TXNDC5: variants seen among roughly 807,000 people sequenced by gnomAD.
TXNDC5 encodes thioredoxin domain containing 5.
TXNDC5 carries 44 observed loss-of-function variants against 52.6 expected under a neutral mutation model. The observed-to-expected ratio is 0.84, with a 90% CI of 0.66 to 1.08. The LOEUF is 1.08. TXNDC5 is among the 50% of genes least tolerant of loss of function. The probability of loss-of-function intolerance (pLI) is 0.00; values close to 1 mark genes in which losing one functional copy is unlikely to be tolerated. For missense variants in TXNDC5, 600 were observed against 565.5 expected, an observed-to-expected ratio of 1.06 and a Z score of -0.62; for synonymous variants, 241 against 234.4, an observed-to-expected ratio of 1.03 and a Z score of -0.26.
chr6:7,883,048 A>G lies in TXNDC5; in HGVS notation c.*96T>C, dbSNP rs753763395. The G allele has an allele frequency of 3.2e-6, 5 of 1,562,146 alleles. No individual in the cohort carries two copies. The highest frequency in any genetic ancestry group is 4.4e-6 in the Non-Finnish European group (5 of 1,142,750). ...ACGCTTAGTATGTTCTGCTTTCTGA[A>G]CAGCCACCACTGGGAACCCAGTGGC... On this transcript the variant is annotated 3_prime_UTR_variant, in exon 10 of 10. Coordinates refer to ENST00000379757, the MANE Select transcript of TXNDC5 (RefSeq NM_030810.5).
At chr6:7,910,193 G>A (rs1053909086) in intron 1 of TXNDC5, 66 of 972,352 alleles carry the variant, frequency 6.8e-5, no homozygotes, top group Non-Finnish European at 7.4e-5. Flanking sequence ...GGCCCGCTGA[G>A]CTCACGCCTC....
chr6:7,910,236 C>A (rs556001901), intron 1 of TXNDC5, among the ~76,000 whole-genome samples: 1 of 151,440 alleles, frequency 6.6e-6, no homozygotes, highest in East Asian at 1.9e-4. Context: ...CGGTCCCCTG[C>A]AGTCCCCGGC....
intron 5 of TXNDC5, among the ~76,000 whole-genome samples, chr6:7,890,337 CAG>C (rs1291274883): frequency 6.6e-6 from 1 of 152,036 alleles, no homozygotes; most frequent in East Asian, 1.9e-4. Context: ...TAAGACCCGT[CAG>C]AGAGCAGCTA....
Position 7,899,637 on chromosome 6 carries a change from C to A in TXNDC5, c.458G>T (p.Gly153Val), listed in dbSNP as rs888122891. The change falls in exon 3 of 10, where the codon GGT (glycine) becomes GTT (valine). Residue 153 changes from glycine to valine, a missense_variant. Transcript: ENST00000379757. ...KPGQEAVKYQGPRDFQTLENW... is the reference protein window; with the variant it reads ...KPGQEAVKYQVPRDFQTLENW... ...TTCCAGTGTCTGGAAGTCCCGAGGA[C>A]CCTGGTACTTCACAGCTTCTTGGCC... The A allele has an allele frequency of 1.9e-6, 3 of 1,614,070 alleles. No individual in the cohort carries two copies. Among genetic ancestry groups the A allele is most frequent in the Non-Finnish European group, 2.5e-6 (3 of 1,179,996 alleles).
intron 2 of TXNDC5, among the ~76,000 whole-genome samples, chr6:7,901,697 CCAAA>C (rs1162540823): frequency 6.6e-5 from 10 of 152,218 alleles, no homozygotes; most frequent in Admixed American, 5.2e-4. Flanking sequence ...GGGTACAAGC[CCAAA>C]CAAAGTATTG....
intron 2 of TXNDC5, 131 bp from the exon 3 acceptor site, chr6:7,899,812 G>C: frequency 1.8e-6 from 1 of 545,788 alleles, no homozygotes; most frequent in East Asian, 3.1e-5. Context: ...GCTCCTCTCT[G>C]ATAAAAAGGA....
chr6:7,906,466 G>A (rs924792498), intron 1 of TXNDC5, among the ~76,000 whole-genome samples: 1 of 149,952 alleles, frequency 6.7e-6, no homozygotes, highest in African/African-American at 2.5e-5. Flanking sequence ...AACCCGGGAG[G>A]CGGAGGTTGC....
At chr6:7,888,953 CTT>C (rs1581311495) in intron 6 of TXNDC5, 105 bp from the exon 7 acceptor site, 1 of 1,425,248 alleles carries the variant, frequency 7.0e-7, no homozygotes, top group Non-Finnish European at 9.4e-7. Context: ...TCCCAGATGT[CTT>C]AGCGGTGGTG....
chr6:7,887,666 C>T (rs1377510738), intron 7 of TXNDC5, among the ~76,000 whole-genome samples: 1 of 152,190 alleles, frequency 6.6e-6, no homozygotes, highest in Non-Finnish European at 1.5e-5. Context: ...CAACTCCAAT[C>T]TGCACAGAGC....
At chr6:7,910,439 GC>G in intron 1 of TXNDC5, 74 bp downstream of exon 1, 1 of 1,250,094 alleles carries the variant, frequency 8.0e-7, no homozygotes, top group Non-Finnish European at 1.0e-6. Context: ...GGGACCCCCC[GC>G]CCGCGGCGCC....
chr6:7,887,432 C>T (rs554203520), intron 7 of TXNDC5, among the ~76,000 whole-genome samples: 5 of 150,066 alleles, frequency 3.3e-5, no homozygotes, highest in African/African-American at 7.3e-5. Context: ...GCTCTGGCCC[C>T]GCCCCTGTGC....
At chr6:7,901,955 A>T (rs1030028338) in intron 2 of TXNDC5, among the ~76,000 whole-genome samples, 2 of 152,244 alleles carry the variant, frequency 1.3e-5, no homozygotes, top group African/African-American at 4.8e-5. Context: ...TATTCAAGTT[A>T]AAATGAGGTC....
intron 8 of TXNDC5, 99 bp from the exon 9 acceptor site, chr6:7,884,587 A>G (rs1759894698): frequency 1.3e-6 from 2 of 1,520,430 alleles, no homozygotes; most frequent in Non-Finnish European, 8.9e-7. Flanking sequence ...TGTATGGGAC[A>G]GTCAACAATT....
chr6:7,883,054 A>G lies in TXNDC5; in HGVS notation c.*90T>C. 3.2e-6 allele frequency: 5 copies of G among 1,556,848 alleles called. No homozygotes were observed. In the South Asian group the frequency reaches 3.4e-5, roughly 11 times the overall value. On this transcript the variant is annotated 3_prime_UTR_variant, in exon 10 of 10. Coordinates refer to ENST00000379757, the MANE Select transcript of TXNDC5 (RefSeq NM_030810.5). ...AGTATGTTCTGCTTTCTGAACAGCC[A>G]CCACTGGGAACCCAGTGGCCTCTGT...
In TXNDC5 at chr6:7,910,668, GGGCGCCCCAGCGCCCGCCGCCGCCAT is replaced by G; in HGVS notation, c.83_108del (p.His28ProfsTer65). On this transcript the variant is annotated frameshift_variant, in exon 1 of 10. Coordinates refer to ENST00000379757, the MANE Select transcript of TXNDC5 (RefSeq NM_030810.5). LOFTEE classifies it high-confidence loss of function. ...GCCGCCGCCGCCGCCTCCTGGGCCC[GGGCGCCCCAGCGCCCGCCGCCGCCAT>G]GGCCCAGCAGCAGCAGCAGCAGCGC... 5 of 1,188,310 alleles carry G rather than the reference GGGCGCCCCAGCGCCCGCCGCCGCCAT, an allele frequency of 4.2e-6. No homozygotes were observed. The highest frequency in any genetic ancestry group is 5.2e-6 in the Non-Finnish European group (5 of 952,512). The allele number at this position is 1,188,310 out of a possible 1,614,324, so 73.6% of individuals were successfully genotyped here.
chr6:7,883,151 T>C lies in TXNDC5; in HGVS notation c.1292A>G (p.Glu431Gly). ...HRFVLSQAKD[E>G]L ...TGACCTCCAACTGTGTTCCTAAAGT[T>C]CGTCTTTCGCTTGGCTCAGGACAAA... is the stretch of plus-strand genomic sequence containing the variant. The change falls in exon 10 of 10, where the codon GAA (glutamate) becomes GGA (glycine). Residue 431 changes from glutamate to glycine, a missense_variant. By Grantham distance (98) the Glu-to-Gly change is moderately conservative. Transcript: ENST00000379757. 6.2e-7 allele frequency: 1 copy of C among 1,614,156 alleles called. No individual in the cohort carries two copies. The highest frequency in any genetic ancestry group is 8.5e-7 in the Non-Finnish European group (1 of 1,180,018).
chr6:7,910,276 C>G (rs1284331304), intron 1 of TXNDC5, among the ~76,000 whole-genome samples: 1 of 150,972 alleles, frequency 6.6e-6, no homozygotes, highest in Non-Finnish European at 1.5e-5. Context: ...CGCCCGCGCC[C>G]CCCGCTCCCC....
chr6:7,888,463 ATT>A (rs1191110206), intron 7 of TXNDC5, among the ~76,000 whole-genome samples: 1 of 152,214 alleles, frequency 6.6e-6, no homozygotes. Context: ...TTGTCTTGGG[ATT>A]TGTCTCACAT....
At chr6:7,908,256 C>T (rs1211138998) in intron 1 of TXNDC5, among the ~76,000 whole-genome samples, 1 of 142,272 alleles carries the variant, frequency 7.0e-6, no homozygotes, top group African/African-American at 2.7e-5. Flanking sequence ...GCACTCCAGC[C>T]TGGCAACAGA....
Sources: gnomAD v4.1 joint callset for allele counts (sites outside exome capture counted in the v4.1 genomes callset) on GRCh38, gnomAD v4.1.1 for gene constraint, MANE v1.5 for transcripts, NCBI Gene and HGNC (gene_info 2026-07-23, HGNC 2026-07-21) for gene names.